Variants in KCNQ1 observed in about 807,000 individuals in gnomAD.
The protein encoded by KCNQ1 is potassium voltage-gated channel subfamily Q member 1.
In KCNQ1, 49 loss-of-function variants were observed where a neutral mutation model predicts 72.4. The observed-to-expected ratio is 0.68, with a 90% CI of 0.54 to 0.86. KCNQ1 has a LOEUF of 0.86. Ranked by LOEUF, KCNQ1 falls within the 40% of genes least tolerant of loss-of-function variation. The pLI is 0.00. For synonymous variants in KCNQ1, 450 were observed against 412.6 expected (o/e 1.09, Z -1.10); for missense variants, 790 against 945.1 (o/e 0.84, Z 2.15).
rs148090468 is a variant in KCNQ1, at chr11:2,488,825, T to G, written c.387-39103T>G. Among the ~76,000 whole-genome samples, 536 of 152,334 alleles carry G rather than the reference T, an allele frequency of 3.5e-3. 2 individuals carry two copies. The highest frequency in any genetic ancestry group is 0.013 in the African/African-American group (522 of 41,574). ...TGATTTAATTGATTTTTCTCTATTG[T>G]TTTTCTATTCTCTATTTTGTTGGTC... On this transcript the variant is annotated intron_variant, in intron 1 of 15. Transcript: ENST00000155840. The surrounding 1 kb of genome is among the most constrained non-coding windows in gnomAD (Gnocchi z 5.1).
In KCNQ1 at chr11:2,481,262, G is replaced by A. The variant is rs1846646368; in HGVS notation, c.386+35778G>A. Among the ~76,000 whole-genome samples the A allele has an allele frequency of 6.6e-6, 1 of 152,144 alleles. No homozygotes were observed. Among genetic ancestry groups the A allele is most frequent in the Admixed American group, 6.5e-5 (1 of 15,276 alleles). ...AGAAATGTTAATCAGAGAACGTGCA[G>A]AAATTTTTAAAGAAGAAAAGTAAAA... On this transcript the variant is annotated intron_variant, in intron 1 of 15. Transcript: ENST00000155840. The surrounding 1 kb of genome is among the most constrained non-coding windows in gnomAD (Gnocchi z 4.6).
intron 10 of KCNQ1, among the ~76,000 whole-genome samples, chr11:2,606,658 C>T (rs1474227152): frequency 2.0e-5 from 3 of 152,222 alleles, no homozygotes; most frequent in South Asian, 4.1e-4. Flanking sequence ...ATAAATTACC[C>T]AGCCTCGGGT....
chr11:2,532,420 C>G lies in KCNQ1; in HGVS notation c.477+4402C>G, dbSNP rs377289078. On this transcript the variant is annotated intron_variant, in intron 2 of 15. Transcript: ENST00000155840. ...GCCTTGCCACACTTCCCAGCAGTCT[C>G]TCGAAGCACTGGCCGCGTGGAAACA... Among the ~76,000 whole-genome samples the G allele has an allele frequency of 4.3e-3, 648 of 152,366 alleles. 8 individuals carry two copies. The highest frequency in any genetic ancestry group is 0.015 in the African/African-American group (614 of 41,582).
At position 2,671,996 on chromosome 11, in the gene KCNQ1, C is replaced by T. The variant is rs1850191689; in HGVS notation, c.1514+9915C>T. 2.5e-6 allele frequency: 1 copy of T among 398,500 alleles called. No homozygotes were observed. Among genetic ancestry groups the T allele is most frequent in the South Asian group, 1.3e-4 (1 of 7,848 alleles). 24.7% of individuals were successfully genotyped at this position (398,500 alleles called of 1,614,324 possible). On this transcript the variant is annotated intron_variant, in intron 11 of 15. Transcript: ENST00000155840. This position sits in a 1 kb window ranked among gnomAD's most constrained non-coding sequence, Gnocchi z 4.7. ...TCAGCTAGCACCCCTGACTTCAAGTCCTCGAGTGTATGTTGGGCTTGTCTC... is the reference window on the plus strand; with the variant it reads ...TCAGCTAGCACCCCTGACTTCAAGTTCTCGAGTGTATGTTGGGCTTGTCTC...
intron 10 of KCNQ1, chr11:2,622,792 A>G (rs1397010774): frequency 2.5e-6 from 1 of 398,484 alleles, no homozygotes; most frequent in African/African-American, 2.1e-5. Context: ...CCGTATACCC[A>G]CTGCACCCAT....
chr11:2,528,879 G>A (rs1455087601), intron 2 of KCNQ1, among the ~76,000 whole-genome samples: 3 of 152,232 alleles, frequency 2.0e-5, no homozygotes, highest in Admixed American at 1.3e-4. Flanking sequence ...GTCCTCTCGC[G>A]ATGGCCTCGG....
chr11:2,754,321 A>C (rs1590069547), intron 11 of KCNQ1, among the ~76,000 whole-genome samples: 1 of 152,196 alleles, frequency 6.6e-6, no homozygotes. Context: ...GGGCTTTCTC[A>C]CCACCCCAGC....
rs1185536492 is a variant in KCNQ1, at chr11:2,515,592, G to A, written c.387-12336G>A. The stretch of plus-strand genomic sequence containing the variant: ...CCTCGCCATTTCTGGGGTGGGGGGT[G>A]CACAGGTGCATCTGGTCTGCCCAGC... On this transcript the variant is annotated intron_variant, in intron 1 of 15. Coordinates refer to ENST00000155840, the MANE Select transcript of KCNQ1 (RefSeq NM_000218.3). This position sits in a 1 kb window ranked among gnomAD's most constrained non-coding sequence, Gnocchi z 4.7. Among the ~76,000 whole-genome samples, 1 of 152,146 alleles carries A rather than the reference G, an allele frequency of 6.6e-6. No individual in the cohort carries two copies. Among genetic ancestry groups the A allele is most frequent in the Non-Finnish European group, 1.5e-5 (1 of 67,998 alleles).
intron 14 of KCNQ1, chr11:2,777,455 G>A (rs2133991331): frequency 1.9e-6 from 1 of 530,132 alleles, no homozygotes; most frequent in East Asian, 3.0e-5. Context: ...TGCAGCCTGG[G>A]GGCTGGTTTT....
intron 2 of KCNQ1, among the ~76,000 whole-genome samples, chr11:2,556,864 C>G (rs1337048660): frequency 6.6e-6 from 1 of 152,156 alleles, no homozygotes; most frequent in East Asian, 1.9e-4. Context: ...AGGATCAGAA[C>G]ATGGATAACA....
At chr11:2,758,789 C>T (rs1266674782) in intron 11 of KCNQ1, among the ~76,000 whole-genome samples, 1 of 152,186 alleles carries the variant, frequency 6.6e-6, no homozygotes, top group African/African-American at 2.4e-5. Flanking sequence ...GAGAAAAAGC[C>T]TCCCCCGAAA....
chr11:2,701,450 A>G (rs1850813558), intron 11 of KCNQ1, among the ~76,000 whole-genome samples: 2 of 152,024 alleles, frequency 1.3e-5, no homozygotes, highest in African/African-American at 4.8e-5. Flanking sequence ...CACCCTCACT[A>G]TCTAGCTGGG....
chr11:2,734,319 C>CTT lies in KCNQ1; in HGVS notation c.1515-34523_1515-34522dup, dbSNP rs1845915925. Among the ~76,000 whole-genome samples, 1 of 152,260 alleles carries CTT rather than the reference C, an allele frequency of 6.6e-6. No homozygotes were observed. The highest frequency in any genetic ancestry group is 2.4e-5 in the African/African-American group (1 of 41,476). On this transcript the variant is annotated intron_variant, in intron 11 of 15. Transcript: ENST00000155840. This position sits in a 1 kb window ranked among gnomAD's most constrained non-coding sequence, Gnocchi z 7.0. ...GCCAAAAGGCGCCTAGAAGGCTGGA[C>CTT]TTTCCGTGAGGTGGCGGGGAGCACC...
chr11:2,461,868 G>A (rs1204670065), intron 1 of KCNQ1: 3 of 514,574 alleles, frequency 5.8e-6, no homozygotes, highest in Non-Finnish European at 9.9e-6. Context: ...GTGGGTGGAC[G>A]GAGGGATGGG....
chr11:2,629,733 T>G (rs1378180169), intron 10 of KCNQ1: 2 of 398,410 alleles, frequency 5.0e-6, no homozygotes, highest in Non-Finnish European at 8.8e-6. Context: ...TTGTTTATTA[T>G]TAGTGTATAG....
In KCNQ1 at chr11:2,783,312, A is replaced by T. The variant is rs1846855747; in HGVS notation, c.1794+5275A>T. Among the ~76,000 whole-genome samples the T allele has an allele frequency of 6.6e-6, 1 of 152,158 alleles. No homozygotes were observed. Among genetic ancestry groups the T allele is most frequent in the Admixed American group, 6.5e-5 (1 of 15,280 alleles). ...ATGTTGCCCTCTTGTCAGAGAAAGC[A>T]ATCCATATGATATTAATCCTTTAGA... On this transcript the variant is annotated intron_variant, in intron 15 of 15. Coordinates refer to ENST00000155840, the MANE Select transcript of KCNQ1 (RefSeq NM_000218.3). This position sits in a 1 kb window ranked among gnomAD's most constrained non-coding sequence, Gnocchi z 5.2.
chr11:2,480,736 A>C (rs1191643619), intron 1 of KCNQ1, among the ~76,000 whole-genome samples: 3 of 152,178 alleles, frequency 2.0e-5, no homozygotes, highest in Non-Finnish European at 4.4e-5. Flanking sequence ...TGTAGTGTGC[A>C]ATAGAGACCT....
At position 2,626,175 on chromosome 11, in the gene KCNQ1, T is replaced by C. The variant is rs1286104823; in HGVS notation, c.1394-35786T>C. On this transcript the variant is annotated intron_variant, in intron 10 of 15. Coordinates refer to ENST00000155840, the MANE Select transcript of KCNQ1 (RefSeq NM_000218.3). The surrounding 1 kb of genome is among the most constrained non-coding windows in gnomAD (Gnocchi z 4.0). ...AAAGTTTTTCCCCTATGTTTCCTTA[T>C]AAGACTTCATAGTTTTAGGACTTTG... 1 of 398,510 alleles carries C rather than the reference T, an allele frequency of 2.5e-6. No individual in the cohort carries two copies. Among genetic ancestry groups the C allele is most frequent in the African/African-American group, 2.1e-5 (1 of 48,638 alleles). 24.7% of individuals were successfully genotyped at this position (398,510 alleles called of 1,614,324 possible). A position where few individuals can be genotyped will look rare whatever the true frequency, so the allele number is the denominator to read the frequency against.
rs1205738732 is a variant in KCNQ1 at position 2,678,168 on chromosome 11, A to G, written c.1514+16087A>G. On this transcript the variant is annotated intron_variant, in intron 11 of 15. Transcript: ENST00000155840. The surrounding 1 kb of genome is among the most constrained non-coding windows in gnomAD (Gnocchi z 4.9). The stretch of plus-strand genomic sequence containing the variant: ...TAGGTGTTTTGGCTTTTTCTATAAT[A>G]TTTTTCTGGTGGCAGAATTTTTTTA... 1.0e-5 allele frequency: 4 copies of G among 397,882 alleles called. No homozygotes were observed. Among genetic ancestry groups the G allele is most frequent in the Non-Finnish European group, 1.8e-5 (4 of 225,852 alleles). The allele number at this position is 397,882 out of a possible 1,614,324, so 24.6% of individuals were successfully genotyped here.
Sources: allele counts gnomAD v4.1 joint callset (sites outside exome capture counted in the v4.1 genomes callset), GRCh38; gene constraint gnomAD v4.1.1; non-coding constraint Gnocchi (gnomAD v3.1); transcripts MANE v1.5; gene names NCBI Gene and HGNC (gene_info 2026-07-23, HGNC 2026-07-21).